Variants in HCFC2 observed in about 807,000 individuals in gnomAD.
HCFC2 encodes the protein host cell factor C2, also known as host cell factor 2.
A neutral mutation model predicts 89.2 loss-of-function variants in HCFC2; 18 were observed. The ratio of observed to expected loss-of-function variants is 0.20; its 90% CI spans 0.14 to 0.30. The LOEUF (loss-of-function observed/expected upper bound fraction) is 0.30, where lower values mean the gene tolerates loss of function less well. Ranked by LOEUF, HCFC2 falls within the 10% of genes least tolerant of loss-of-function variation. The pLI, the probability that HCFC2 is intolerant of heterozygous loss-of-function variation, is 1.00. For missense variants in HCFC2, 578 were observed against 956.1 expected (o/e 0.60, Z 5.21); for synonymous variants, 308 against 335.7 (o/e 0.92, Z 0.90).
chr12:104,086,303 GAAGTTATGCTTTTGTAAAATATCATGTCC>G (rs1883841559), intron 7 of HCFC2, among the ~76,000 whole-genome samples: 2 of 152,230 alleles, frequency 1.3e-5, no homozygotes, highest in South Asian at 4.1e-4. Flanking sequence ...TAACTTCAGA[GAAGTTATGCTTTTGTAAAATATCATGTCC>G]AAGTTATCTT....
intron 8 of HCFC2, among the ~76,000 whole-genome samples, chr12:104,087,554 A>G (rs1883906844): frequency 6.6e-6 from 1 of 150,550 alleles, no homozygotes; most frequent in South Asian, 2.1e-4. Context: ...ATTTTATGAC[A>G]TTAGGTCCAT....
In HCFC2 at chr12:104,082,807, C is replaced by T. The variant is rs374139474; in HGVS notation, c.969C>T (p.Ile323=). The change falls in exon 7 of 15, where the codon ATC becomes ATT. Residue 323 remains isoleucine, a synonymous_variant. Coordinates refer to ENST00000229330, the MANE Select transcript of HCFC2 (RefSeq NM_013320.3). ...GAGCTGGCCACTGTGCTGTTGCAAT[C>T]GGCACTCGATTGTATTTTTGGAGTG... ...RPRAGHCAVA[I]GTRLYFWSGR... is the part of the protein sequence containing the mutation. The T allele has an allele frequency of 6.6e-5, 106 of 1,613,710 alleles. No individual in the cohort carries two copies. Among genetic ancestry groups the T allele is most frequent in the Non-Finnish European group, 8.0e-5 (94 of 1,179,870 alleles).
At position 104,094,629 on chromosome 12, in the gene HCFC2, T is replaced by C. The variant is rs1026643377; in HGVS notation, c.1463-731T>C. ...ATTGAAAAATATCCCCTAGAAATCA[T>C]TGATGTTTGCCAGAATTATTTTATT... On this transcript the variant is annotated intron_variant, in intron 10 of 14. Coordinates refer to ENST00000229330, the MANE Select transcript of HCFC2 (RefSeq NM_013320.3). Among the ~76,000 whole-genome samples the C allele has an allele frequency of 8.5e-5, 13 of 152,280 alleles. No homozygotes were observed. In the South Asian group the frequency reaches 1.4e-3, roughly 17 times the overall value.
At chr12:104,090,857 A>C (rs1884003644) in intron 9 of HCFC2, 1 of 152,202 alleles carries the variant, frequency 6.6e-6, no homozygotes, top group African/African-American at 2.4e-5. Flanking sequence ...TGAGGCTTTA[A>C]AAAAGCCTGG....
At chr12:104,070,434 T>G (rs1883285988) in intron 3 of HCFC2, among the ~76,000 whole-genome samples, 1 of 152,226 alleles carries the variant, frequency 6.6e-6, no homozygotes, top group Admixed American at 6.5e-5. Flanking sequence ...GCTTTGGAGA[T>G]TTAGAGTCCA....
At chr12:104,086,273 A>T (rs1883840878) in intron 7 of HCFC2, among the ~76,000 whole-genome samples, 1 of 152,088 alleles carries the variant, frequency 6.6e-6, no homozygotes, top group Non-Finnish European at 1.5e-5. Flanking sequence ...CTGGTAGTAC[A>T]AGTCTTGATA....
intron 13 of HCFC2, among the ~76,000 whole-genome samples, chr12:104,099,495 G>A (rs1253108625): frequency 6.6e-6 from 1 of 152,126 alleles, no homozygotes; most frequent in African/African-American, 2.4e-5. Flanking sequence ...CAGCTACTCA[G>A]GAGGCTGAGT....
chr12:104,101,685 A>G (rs1424011392), intron 13 of HCFC2, among the ~76,000 whole-genome samples: 1 of 152,000 alleles, frequency 6.6e-6, no homozygotes, highest in East Asian at 1.9e-4. Context: ...CTACCTTCAC[A>G]TTGTTCACGT....
At position 104,101,961 on chromosome 12, in the gene HCFC2, A is replaced by G; in HGVS notation, c.1879-7A>G. ...TTTCTTTGACTTTTGCATATACTAC[A>G]TTTTAGGTAGGAAATGCAGATGTAC... On this transcript the variant is annotated splice_polypyrimidine_tract_variant and splice_region_variant and intron_variant, in intron 13 of 14. Transcript: ENST00000229330. 4 of 1,577,490 alleles carry G rather than the reference A, an allele frequency of 2.5e-6. No individual in the cohort carries two copies. Among genetic ancestry groups the G allele is most frequent in the Non-Finnish European group, 8.6e-7 (1 of 1,158,158 alleles).
intron 8 of HCFC2, among the ~76,000 whole-genome samples, chr12:104,087,594 G>C (rs1211122580): frequency 6.6e-6 from 1 of 151,362 alleles, no homozygotes; most frequent in Non-Finnish European, 1.5e-5. Flanking sequence ...TTGTATTTCA[G>C]TTCTAAAACT....
rs534161236 is a variant in HCFC2, at chr12:104,064,718, A to G, written c.158A>G (p.Asn53Ser). The change falls in exon 1 of 15, where the codon AAC (asparagine) becomes AGC (serine). Residue 53 changes from asparagine to serine, a missense_variant. By Grantham distance (46) the Asn-to-Ser change is conservative (BLOSUM62 1). Around this residue, in one of 4 missense-constraint regions of HCFC2, gnomAD observed 206 missense variants for 419.2 expected, o/e 0.49. Transcript: ENST00000229330. The surrounding 1 kb of genome is among the most constrained non-coding windows in gnomAD (Gnocchi z 7.3). The part of the protein sequence containing the change: ...EGIADELHVY[N>S]TATNQWFLPA... ...ATCGCGGATGAGCTGCACGTCTACA[A>G]CACGGGTAGGCGCGGCGGCGGCTCG... 4.5e-6 allele frequency: 7 copies of G among 1,556,950 alleles called. No homozygotes were observed. In the South Asian group the frequency reaches 4.7e-5, roughly 10 times the overall value.
At chr12:104,073,090 A>G (rs1435735793) in intron 3 of HCFC2, among the ~76,000 whole-genome samples, 1 of 148,714 alleles carries the variant, frequency 6.7e-6, no homozygotes, top group Non-Finnish European at 1.5e-5. Flanking sequence ...TTTTTTTATT[A>G]TTGTTGATTC....
chr12:104,086,547 C>A (rs1460940708), intron 7 of HCFC2, among the ~76,000 whole-genome samples: 3 of 151,618 alleles, frequency 2.0e-5, no homozygotes, highest in Non-Finnish European at 4.4e-5. Flanking sequence ...AAACACATTT[C>A]CAAATCTGAA....
chr12:104,080,859 G>T, intron 5 of HCFC2, 29 bp downstream of exon 5: 1 of 1,442,662 alleles, frequency 6.9e-7, no homozygotes, highest in Non-Finnish European at 9.5e-7. Flanking sequence ...TTTTGCTTCT[G>T]TTTTTTTTAA....
chr12:104,090,291 G>C (rs778049950), intron 9 of HCFC2, among the ~76,000 whole-genome samples: 51 of 151,996 alleles, frequency 3.4e-4, no homozygotes, highest in Non-Finnish European at 5.6e-4. Flanking sequence ...ATTCGGTGTT[G>C]GTATTGAAAA....
At chr12:104,091,822 C>A (rs1391797622) in intron 9 of HCFC2, among the ~76,000 whole-genome samples, 7 of 152,128 alleles carry the variant, frequency 4.6e-5, no homozygotes, top group Admixed American at 2.6e-4. Context: ...AGTTATCTTA[C>A]TGATAGGATT....
In HCFC2 at chr12:104,066,095, A is replaced by T. The variant is rs1883126697; in HGVS notation, c.164-72A>T. ...CAGTTGAGACCCACTGATATTGATG[A>T]TATATATTTGCTGATAGTATATGAT... On this transcript the variant is annotated intron_variant, in intron 1 of 14. Coordinates refer to ENST00000229330, the MANE Select transcript of HCFC2 (RefSeq NM_013320.3). 3.6e-6 allele frequency: 5 copies of T among 1,403,678 alleles called. No individual in the cohort carries two copies. The East Asian group carries it at 9.4e-5, about 26-fold the overall frequency. The allele number at this position is 1,403,678 out of a possible 1,614,324, so 87.0% of individuals were successfully genotyped here.
chr12:104,074,037 T>C (rs1373970561), intron 3 of HCFC2, among the ~76,000 whole-genome samples: 1 of 152,256 alleles, frequency 6.6e-6, no homozygotes, highest in Non-Finnish European at 1.5e-5. Flanking sequence ...TGTTGATTCC[T>C]GCTCTAGACT....
chr12:104,080,783 A>G lies in HCFC2; in HGVS notation c.720A>G (p.Thr240=). 2 of 1,610,138 alleles carry G rather than the reference A, an allele frequency of 1.2e-6. No individual in the cohort carries two copies. Among genetic ancestry groups the G allele is most frequent in the Non-Finnish European group, 1.7e-6 (2 of 1,178,306 alleles). ...GGTCAAAACCAGAAACTAAAGGGACAGTGCCACTTCCACGAAGCCTTCATA... is the reference window on the plus strand; with the variant it reads ...GGTCAAAACCAGAAACTAAAGGGACGGTGCCACTTCCACGAAGCCTTCATA... The part of the protein sequence containing the change: ...MSWSKPETKG[T]VPLPRSLHTA... Residue 240 remains threonine, a synonymous_variant, in exon 5 of 15, where the codon ACA becomes ACG. Transcript: ENST00000229330.
Sources: allele counts gnomAD v4.1 joint callset (sites outside exome capture counted in the v4.1 genomes callset), GRCh38; gene constraint gnomAD v4.1.1; regional missense constraint gnomAD v4.1.1; non-coding constraint Gnocchi (gnomAD v3.1); transcripts MANE v1.5; gene names NCBI Gene and HGNC (gene_info 2026-07-23, HGNC 2026-07-21).